SUFU: variants seen among roughly 807,000 people sequenced by gnomAD.
The protein encoded by SUFU is suppressor of fused homolog.
In SUFU, 7 loss-of-function variants were observed where a neutral mutation model predicts 58.9. The observed-to-expected ratio is 0.12, with a 90% CI of 0.07 to 0.22. The LOEUF (loss-of-function observed/expected upper bound fraction) is 0.22, where lower values mean the gene tolerates loss of function less well. Ranked by LOEUF, SUFU falls within the 10% of genes least tolerant of loss-of-function variation. The probability of loss-of-function intolerance (pLI) is 1.00; values close to 1 mark genes in which losing one functional copy is unlikely to be tolerated. For synonymous variants in SUFU, 232 were observed against 254.8 expected (o/e 0.91, Z 0.85); for missense variants, 451 against 641.3 (o/e 0.70, Z 3.20).
At chr10:102,573,892 C>G (rs1377673197) in intron 3 of SUFU, among the ~76,000 whole-genome samples, 1 of 151,884 alleles carries the variant, frequency 6.6e-6, no homozygotes, top group Non-Finnish European at 1.5e-5. Context: ...AAAAAAAGTC[C>G]TGGAAATGGA....
At chr10:102,600,723 C>T (rs1271382599) in intron 8 of SUFU, among the ~76,000 whole-genome samples, 1 of 152,162 alleles carries the variant, frequency 6.6e-6, no homozygotes, top group Non-Finnish European at 1.5e-5. Context: ...CAGGGGAGGC[C>T]TGGCTGGTTA....
At position 102,597,826 on chromosome 10, in the gene SUFU, C is replaced by A. The variant is rs533370342; in HGVS notation, c.910+533C>A. Among the ~76,000 whole-genome samples the A allele has an allele frequency of 5.9e-5, 9 of 152,352 alleles. No individual in the cohort carries two copies. In the South Asian group the frequency reaches 1.9e-3, roughly 32 times the overall value. The stretch of plus-strand genomic sequence containing the variant: ...GGGGCTGTGGGCAGGGCCTCTGGAC[C>A]CACCGTGTTCCGGATGGGGTCTTTG... On this transcript the variant is annotated intron_variant, in intron 7 of 11. Transcript: ENST00000369902.
intron 3 of SUFU, among the ~76,000 whole-genome samples, chr10:102,566,741 G>A (rs1396434785): frequency 1.4e-5 from 2 of 144,614 alleles, no homozygotes; most frequent in Admixed American, 7.1e-5. Flanking sequence ...CTCCAGCCCA[G>A]GCAATAATGT....
At chr10:102,567,953 C>T (rs150337894) in intron 3 of SUFU, among the ~76,000 whole-genome samples, 6 of 152,268 alleles carry the variant, frequency 3.9e-5, no homozygotes, top group African/African-American at 1.2e-4. Flanking sequence ...CCGGGCATGT[C>T]TAGGTCCTCC....
intron 3 of SUFU, among the ~76,000 whole-genome samples, chr10:102,577,672 A>T (rs562241271): frequency 6.3e-5 from 9 of 142,102 alleles, no homozygotes; most frequent in African/African-American, 2.3e-4. Flanking sequence ...TGTATATAGG[A>T]CTACGAGTTG....
Position 102,617,491 on chromosome 10 carries a change from T to C in SUFU, c.1296+63T>C. 2 of 1,611,080 alleles carry C rather than the reference T, an allele frequency of 1.2e-6. No individual in the cohort carries two copies. Among genetic ancestry groups the C allele is most frequent in the Non-Finnish European group, 1.7e-6 (2 of 1,177,428 alleles). On this transcript the variant is annotated intron_variant, in intron 10 of 11. Transcript: ENST00000369902. This position sits in a 1 kb window ranked among gnomAD's most constrained non-coding sequence, Gnocchi z 4.4. The stretch of plus-strand genomic sequence containing the variant: ...TAGACTTCCTTGCCCACCCCTCCTC[T>C]TCTCCCTTGGCAGCTCTTGATGGCA...
At chr10:102,503,566 C>G (rs1218762899), upstream of SUFU, among the ~76,000 whole-genome samples, 1 of 152,098 alleles carries the variant, frequency 6.6e-6, no homozygotes, top group Non-Finnish European at 1.5e-5. Context: ...TTTCAGGGAC[C>G]TTTTTGTCAA....
At chr10:102,580,713 G>C (rs2063268551) in intron 3 of SUFU, among the ~76,000 whole-genome samples, 1 of 152,158 alleles carries the variant, frequency 6.6e-6, no homozygotes, top group South Asian at 2.1e-4. Flanking sequence ...AGTGCCCTCT[G>C]TACAGTGCCT....
In SUFU at chr10:102,620,304, A is replaced by G. The variant is rs531877917; in HGVS notation, c.1296+2876A>G. Among the ~76,000 whole-genome samples, 4 of 152,294 alleles carry G rather than the reference A, an allele frequency of 2.6e-5. No individual in the cohort carries two copies. In the East Asian group the frequency reaches 7.7e-4, roughly 29 times the overall value. On this transcript the variant is annotated intron_variant, in intron 10 of 11. Coordinates refer to ENST00000369902, the MANE Select transcript of SUFU (RefSeq NM_016169.4). ...GACATCCTGCAGGGGGAAGAGTGAC[A>G]AGGAGAGGCCGAGAGGAAAAGGCAG...
At chr10:102,582,588 G>C (rs1564692078) in intron 3 of SUFU, among the ~76,000 whole-genome samples, 2 of 152,172 alleles carry the variant, frequency 1.3e-5, no homozygotes, top group Non-Finnish European at 2.9e-5. Context: ...TCTTGCCCAG[G>C]AGTTGTTTGT....
chr10:102,594,192 G>T lies in SUFU; in HGVS notation c.756+127G>T. On this transcript the variant is annotated intron_variant, in intron 6 of 11. Transcript: ENST00000369902. ...AGTGAGTAGAAATATGGCATCACTTGGAACTTGTCCCCTGAATTCTGCAGA... is the reference window on the plus strand; with the variant it reads ...AGTGAGTAGAAATATGGCATCACTTTGAACTTGTCCCCTGAATTCTGCAGA... The T allele has an allele frequency of 4.2e-6, 4 of 949,966 alleles. No homozygotes were observed. The South Asian group carries it at 5.5e-5, about 13-fold the overall frequency. 58.8% of individuals were successfully genotyped at this position (949,966 alleles called of 1,614,324 possible).
rs540121433 is a variant in SUFU at position 102,515,391 on chromosome 10, C to T, written c.317+6088C>T. ...GAGTGCAATGGTGTGATCTCACTCA[C>T]TGCAACCTCCACCTCCCTGGTTCAA... On this transcript the variant is annotated intron_variant, in intron 2 of 11. Coordinates refer to ENST00000369902, the MANE Select transcript of SUFU (RefSeq NM_016169.4). Among the ~76,000 whole-genome samples, 5 of 150,482 alleles carry T rather than the reference C, an allele frequency of 3.3e-5. 1 individual carries two copies. In the South Asian group the frequency reaches 1.1e-3, roughly 32 times the overall value.
intron 2 of SUFU, among the ~76,000 whole-genome samples, chr10:102,522,811 C>A (rs769376269): frequency 1.3e-5 from 2 of 152,156 alleles, no homozygotes; most frequent in Non-Finnish European, 2.9e-5. Context: ...AGATTGTCAT[C>A]GTTGGGACAC....
At chr10:102,559,524 G>T (rs1385755969) in intron 3 of SUFU, among the ~76,000 whole-genome samples, 2 of 152,224 alleles carry the variant, frequency 1.3e-5, no homozygotes, top group East Asian at 3.8e-4. Context: ...CTAGCCTGTG[G>T]CATGAGTCGT....
chr10:102,535,007 C>A (rs889447477), intron 2 of SUFU, among the ~76,000 whole-genome samples: 1 of 152,092 alleles, frequency 6.6e-6, no homozygotes, highest in African/African-American at 2.4e-5. Flanking sequence ...ACCCCCTACC[C>A]CCTGCACAGG....
intron 2 of SUFU, among the ~76,000 whole-genome samples, chr10:102,548,198 G>GATAC (rs924800164): frequency 1.3e-5 from 2 of 151,552 alleles, no homozygotes; most frequent in African/African-American, 4.9e-5. Flanking sequence ...TAGATAGATA[G>GATAC]ATACATACAT....
At chr10:102,550,130 G>C (rs756126617) in intron 3 of SUFU, 24 bp downstream of exon 3, 1 of 1,614,066 alleles carries the variant, frequency 6.2e-7, no homozygotes, top group Admixed American at 1.7e-5. Context: ...GCTGGCTGCT[G>C]TGCTGGTCCT....
chr10:102,613,273 G>A (rs78931337), intron 8 of SUFU, among the ~76,000 whole-genome samples: 7 of 152,378 alleles, frequency 4.6e-5, no homozygotes, highest in East Asian at 1.9e-4. Context: ...GCGCAAAGGC[G>A]AAGCCAGGGG....
chr10:102,551,278 G>C (rs956470819), intron 3 of SUFU, among the ~76,000 whole-genome samples: 7 of 152,120 alleles, frequency 4.6e-5, no homozygotes, highest in African/African-American at 1.7e-4. Context: ...CAACCTCTTC[G>C]AGGAGCTTGT....
Sources: gnomAD v4.1 joint callset for allele counts (sites outside exome capture counted in the v4.1 genomes callset) on GRCh38, gnomAD v4.1.1 for gene constraint, Gnocchi (gnomAD v3.1) non-coding constraint, MANE v1.5 for transcripts, NCBI Gene and HGNC (gene_info 2026-07-23, HGNC 2026-07-21) for gene names.